The following NFATC1 variants were observed in gnomAD, a reference collection of about 807,000 sequenced individuals.
NFATC1 encodes the protein nuclear factor of activated T-cells, cytoplasmic 1.
In NFATC1, 22 loss-of-function variants were observed where a neutral mutation model predicts 76.0. The ratio of observed to expected loss-of-function variants is 0.29; its 90% CI spans 0.21 to 0.41. The LOEUF is 0.41. Among genes scored for constraint, NFATC1 ranks in the 10% least tolerant of loss-of-function variants. The pLI is 1.00. For missense variants in NFATC1, 1,357 were observed against 1,337.7 expected, an observed-to-expected ratio of 1.01 and a Z score of -0.23; for synonymous variants, 704 against 613.1, an observed-to-expected ratio of 1.15 and a Z score of -2.19.
intron 2 of NFATC1, chr18:79,421,766 T>C (rs972341018): frequency 1.3e-5 from 2 of 152,346 alleles, no homozygotes; most frequent in African/African-American, 4.8e-5. Context: ...CTGTGTTTAC[T>C]GGGCTGAAGC....
In NFATC1 at chr18:79,496,877, G is replaced by A. The variant is rs574063885; in HGVS notation, c.2782+9940G>A. 3.1e-3 allele frequency: 468 copies of A among 152,300 alleles called. 2 individuals are homozygous for A. Among genetic ancestry groups the A allele is most frequent in the Admixed American group, 5.6e-3 (86 of 15,292 alleles). The allele number at this position is 152,300 out of a possible 1,614,324, so 9.4% of individuals were successfully genotyped here. On this transcript the variant is annotated intron_variant, in intron 9 of 9. Transcript: ENST00000427363. Reference sequence around the variant, plus strand: ...CCGGTGCTCACCACCCCCCTTTCCCGGGGGGAAACTGAGGCTCAGAGAGAT... The same window carrying A: ...CCGGTGCTCACCACCCCCCTTTCCCAGGGGGAAACTGAGGCTCAGAGAGAT...
At chr18:79,400,766 C>CG (rs766581506) in intron 1 of NFATC1, among the ~76,000 whole-genome samples, 4 of 140,782 alleles carry the variant, frequency 2.8e-5, no homozygotes, top group African/African-American at 8.3e-5. Context: ...GGCGGAGAAG[C>CG]CCCAGCTCCC....
At chr18:79,430,123 C>T (rs542799424) in intron 2 of NFATC1, among the ~76,000 whole-genome samples, 9 of 152,302 alleles carry the variant, frequency 5.9e-5, no homozygotes, top group African/African-American at 1.9e-4. Context: ...CCTAAGGACG[C>T]GTTTTTCAGA....
At chr18:79,396,475 C>G in intron 1 of NFATC1, 124 bp downstream of exon 1, 1 of 529,450 alleles carries the variant, frequency 1.9e-6, no homozygotes, top group Non-Finnish European at 2.6e-6. Flanking sequence ...TCGGCCGGGT[C>G]TGTGCGCCCA....
chr18:79,475,087 C>CCG (rs1555913944), intron 8 of NFATC1, among the ~76,000 whole-genome samples: 2 of 96,148 alleles, frequency 2.1e-5, no homozygotes, highest in Non-Finnish European at 4.0e-5. Context: ...CTCACACTCA[C>CCG]TCGACGTGAG....
chr18:79,503,064 A>G (rs28865669), intron 9 of NFATC1, among the ~76,000 whole-genome samples: 7,743 of 152,284 alleles, frequency 0.051, 655 homozygotes, highest in African/African-American at 0.18. Flanking sequence ...TGAAACAACC[A>G]CAATGCCCAG....
intron 2 of NFATC1, among the ~76,000 whole-genome samples, chr18:79,425,441 G>T (rs887683770): frequency 6.6e-6 from 1 of 152,254 alleles, no homozygotes; most frequent in Non-Finnish European, 1.5e-5. Flanking sequence ...GTGGGCGGGT[G>T]TGGCCCTGCC....
At chr18:79,454,740 G>A (rs2087613140) in intron 6 of NFATC1, among the ~76,000 whole-genome samples, 1 of 152,136 alleles carries the variant, frequency 6.6e-6, no homozygotes, top group African/African-American at 2.4e-5. Context: ...TCTTCCAGGA[G>A]GCAGGTTGGC....
intron 9 of NFATC1, among the ~76,000 whole-genome samples, chr18:79,492,901 C>CTTTTTT (rs10605674): frequency 2.3e-5 from 2 of 87,254 alleles, no homozygotes; most frequent in African/African-American, 5.2e-5. Flanking sequence ...ATGAATCCAG[C>CTTTTTT]TTTTTTTTTT....
At chr18:79,498,136 A>T (rs1408129779) in intron 9 of NFATC1, 1 of 152,168 alleles carries the variant, frequency 6.6e-6, no homozygotes, top group Non-Finnish European at 1.5e-5. Flanking sequence ...TAAACCAAAA[A>T]ATTATAGTAC....
intron 9 of NFATC1, among the ~76,000 whole-genome samples, chr18:79,519,765 T>C (rs1279370755): frequency 6.6e-6 from 1 of 152,240 alleles, no homozygotes; most frequent in Admixed American, 6.5e-5. Context: ...AGGGACGCAC[T>C]GCATTTCAGG....
At chr18:79,464,770 A>G (rs1211871721) in intron 7 of NFATC1, among the ~76,000 whole-genome samples, 1 of 146,736 alleles carries the variant, frequency 6.8e-6, no homozygotes, top group Non-Finnish European at 1.5e-5. Context: ...CAGTGGCTTG[A>G]TCATGGCTCA....
chr18:79,476,842 G>T (rs951956783), intron 8 of NFATC1, among the ~76,000 whole-genome samples: 2 of 152,222 alleles, frequency 1.3e-5, no homozygotes, highest in Non-Finnish European at 1.5e-5. Context: ...TGCATGGTTG[G>T]AATACTCACC....
At chr18:79,406,809 T>C (rs1269426979) in intron 1 of NFATC1, among the ~76,000 whole-genome samples, 1 of 152,114 alleles carries the variant, frequency 6.6e-6, no homozygotes, top group Non-Finnish European at 1.5e-5. Context: ...ACCGTTGGAC[T>C]GCGTCCCTGT....
chr18:79,475,063 G>T, intron 8 of NFATC1, among the ~76,000 whole-genome samples: 1 of 127,626 alleles, frequency 7.8e-6, no homozygotes, highest in Non-Finnish European at 1.6e-5. Context: ...TTGTAAACCT[G>T]AGGGAAGTGT....
chr18:79,462,997 G>T (rs183950309), intron 7 of NFATC1, among the ~76,000 whole-genome samples: 2 of 152,302 alleles, frequency 1.3e-5, no homozygotes, highest in East Asian at 3.9e-4. Flanking sequence ...ATGGAGAGCG[G>T]TGCTGGCACC....
At chr18:79,459,069 G>A (rs1324657175) in intron 6 of NFATC1, among the ~76,000 whole-genome samples, 2 of 152,268 alleles carry the variant, frequency 1.3e-5, no homozygotes, top group African/African-American at 4.8e-5. Flanking sequence ...ACAGGCGCTG[G>A]CTCAGCCGGG....
chr18:79,518,278 C>T (rs1309598824), intron 9 of NFATC1, among the ~76,000 whole-genome samples: 1 of 152,258 alleles, frequency 6.6e-6, no homozygotes, highest in Non-Finnish European at 1.5e-5. Flanking sequence ...CGTCCAATGA[C>T]AGGCACAGTC....
chr18:79,460,198 G>A (rs141377762), intron 6 of NFATC1, among the ~76,000 whole-genome samples: 40 of 152,308 alleles, frequency 2.6e-4, no homozygotes, highest in East Asian at 7.7e-4. Flanking sequence ...GCAGCAGCCC[G>A]GCACTGTAAC....
Sources: allele counts gnomAD v4.1 joint callset (sites outside exome capture counted in the v4.1 genomes callset), GRCh38; gene constraint gnomAD v4.1.1; transcripts MANE v1.5; gene names NCBI Gene and HGNC (gene_info 2026-07-23, HGNC 2026-07-21).